Variants in GOLGA4 observed in about 807,000 individuals in gnomAD.
The protein encoded by GOLGA4 is golgin subfamily A member 4.
A neutral mutation model predicts 265.9 loss-of-function variants in GOLGA4; 169 were observed. The ratio of observed to expected loss-of-function variants is 0.64; its 90% CI spans 0.56 to 0.72. GOLGA4 has a LOEUF of 0.72. Ranked by LOEUF, GOLGA4 falls within the 30% of genes least tolerant of loss-of-function variation. GOLGA4 has a pLI of 0.00. For missense variants in GOLGA4, 2,482 were observed against 2,483.4 expected (o/e 1.00, Z 0.01); for synonymous variants, 923 against 855.8 (o/e 1.08, Z -1.37).
chr3:37,313,721 A>G (rs2096929314), intron 10 of GOLGA4, among the ~76,000 whole-genome samples: 1 of 152,212 alleles, frequency 6.6e-6, no homozygotes, highest in African/African-American at 2.4e-5. Context: ...ACATATATGT[A>G]CACATATACA....
intron 11 of GOLGA4, among the ~76,000 whole-genome samples, chr3:37,317,642 C>T (rs2150936982): frequency 6.6e-6 from 1 of 152,168 alleles, no homozygotes; most frequent in South Asian, 2.1e-4. Flanking sequence ...GAATATATTT[C>T]CCCCCAATAA....
chr3:37,246,825 C>A (rs889907448), intron 1 of GOLGA4, among the ~76,000 whole-genome samples: 2 of 152,178 alleles, frequency 1.3e-5, no homozygotes, highest in Non-Finnish European at 2.9e-5. Context: ...CCTGCAGAAT[C>A]ATCCCTTATT....
chr3:37,246,965 G>A (rs1467863022), intron 1 of GOLGA4, among the ~76,000 whole-genome samples: 1 of 151,996 alleles, frequency 6.6e-6, no homozygotes, highest in Non-Finnish European at 1.5e-5. Context: ...CAGATAACAG[G>A]GAAAAGAGTC....
chr3:37,328,375 C>A, intron 14 of GOLGA4, 41 bp from the exon 15 acceptor site: 1 of 1,595,868 alleles, frequency 6.3e-7, no homozygotes, highest in Non-Finnish European at 8.5e-7. Context: ...GCAGCTTGTT[C>A]TTTGTGTGGC....
intron 16 of GOLGA4, among the ~76,000 whole-genome samples, chr3:37,331,659 C>G (rs1414716419): frequency 2.6e-5 from 4 of 152,116 alleles, no homozygotes; most frequent in African/African-American, 9.7e-5. Context: ...TTGTAGAATG[C>G]TGCATTTTTG....
At chr3:37,292,194 A>C (rs560972291) in intron 5 of GOLGA4, among the ~76,000 whole-genome samples, 3 of 152,282 alleles carry the variant, frequency 2.0e-5, no homozygotes, top group African/African-American at 7.2e-5. Context: ...GTGGGCTGTT[A>C]GGACTGCTAT....
chr3:37,322,936 T>C (rs1239233573), intron 13 of GOLGA4, among the ~76,000 whole-genome samples: 2 of 152,046 alleles, frequency 1.3e-5, no homozygotes, highest in Non-Finnish European at 2.9e-5. Context: ...CCTTAAAAAT[T>C]GGAAAAAACC....
chr3:37,330,665 G>A (rs895247934), intron 16 of GOLGA4, among the ~76,000 whole-genome samples: 2 of 152,158 alleles, frequency 1.3e-5, no homozygotes, highest in African/African-American at 4.8e-5. Context: ...TGGAGGGTGG[G>A]CAAGGGAGTG....
At chr3:37,273,115 T>A (rs2096803366) in intron 2 of GOLGA4, among the ~76,000 whole-genome samples, 1 of 152,232 alleles carries the variant, frequency 6.6e-6, no homozygotes, top group African/African-American at 2.4e-5. Flanking sequence ...TTTCAGAGCT[T>A]AGCCCAAATA....
Position 37,325,786 on chromosome 3 carries a change from A to G in GOLGA4, c.3900A>G (p.Glu1300=), listed in dbSNP as rs1312239812. 5.0e-6 allele frequency: 8 copies of G among 1,613,356 alleles called. No individual in the cohort carries two copies. Among genetic ancestry groups the G allele is most frequent in the Non-Finnish European group, 6.8e-6 (8 of 1,179,562 alleles). The change falls in exon 14 of 24, where the codon GAA becomes GAG. Residue 1300 remains glutamate, a synonymous_variant. Transcript: ENST00000361924. ...TTCAACAGGCTACTCATCAGTTAGA[A>G]GAAAAAGAAAATCAAATTAAGAGCA... ...ISFQQATHQL[E]EKENQIKSMK... is the part of the protein sequence containing the mutation.
At chr3:37,300,698 A>AT in intron 9 of GOLGA4, among the ~76,000 whole-genome samples, 1 of 152,268 alleles carries the variant, frequency 6.6e-6, no homozygotes, top group Middle Eastern at 3.4e-3. Flanking sequence ...TTCCAAAAGT[A>AT]TTTTAATATA....
chr3:37,250,067 G>C (rs1035123379), intron 1 of GOLGA4: 1 of 152,208 alleles, frequency 6.6e-6, no homozygotes, highest in Admixed American at 6.5e-5. Context: ...GATTGGGTTA[G>C]TAAGTTTTCT....
At chr3:37,302,078 C>A in intron 9 of GOLGA4, 107 bp from the exon 10 acceptor site, 1 of 900,608 alleles carries the variant, frequency 1.1e-6, no homozygotes, top group Non-Finnish European at 1.8e-6. Flanking sequence ...CATGAGTCAC[C>A]ATGCACCATG....
At chr3:37,360,348 A>C (rs1696155553) in intron 22 of GOLGA4, among the ~76,000 whole-genome samples, 2 of 152,206 alleles carry the variant, frequency 1.3e-5, no homozygotes, top group African/African-American at 4.8e-5. Context: ...AAGCATAGAC[A>C]TAGGGAACAT....
At chr3:37,250,993 T>A (rs909736713) in intron 1 of GOLGA4, among the ~76,000 whole-genome samples, 6 of 152,132 alleles carry the variant, frequency 3.9e-5, no homozygotes, top group African/African-American at 9.7e-5. Context: ...CTTTTTTTTT[T>A]AAATGAACTT....
intron 1 of GOLGA4, among the ~76,000 whole-genome samples, chr3:37,246,009 G>C (rs892375727): frequency 1.3e-5 from 2 of 152,120 alleles, no homozygotes; most frequent in African/African-American, 4.8e-5. Context: ...CCAGCACTTT[G>C]AATCGCTTGA....
chr3:37,346,807 C>T (rs2097058069), intron 20 of GOLGA4, among the ~76,000 whole-genome samples: 1 of 152,182 alleles, frequency 6.6e-6, no homozygotes, highest in South Asian at 2.1e-4. Context: ...CACATCCTCA[C>T]CAGTGCTTTG....
At chr3:37,331,218 A>G (rs371594752) in intron 16 of GOLGA4, among the ~76,000 whole-genome samples, 1 of 152,200 alleles carries the variant, frequency 6.6e-6, no homozygotes, top group Non-Finnish European at 1.5e-5. Context: ...ATACATACAT[A>G]TAAATTCTTT....
chr3:37,323,902 T>A lies in GOLGA4; in HGVS notation c.2016T>A (p.Asn672Lys). The change falls in exon 14 of 24, where the codon AAT becomes AAA. Residue 672 changes from asparagine (N) to lysine (K), a missense_variant. By Grantham distance (94) the Asn-to-Lys change is moderately conservative (BLOSUM62 0). Coordinates refer to ENST00000361924, the MANE Select transcript of GOLGA4 (RefSeq NM_002078.5). ...TCCAGGCCCACATAGAAGAAATGAA[T>A]GAAAAGACTTTAGAAAAGCTTGATG... The part of the protein sequence containing the change: ...IIFQAHIEEM[N>K]EKTLEKLDVK... 1 of 1,613,432 alleles carries A rather than the reference T, an allele frequency of 6.2e-7. No individual in the cohort carries two copies. The highest frequency in any genetic ancestry group is 2.2e-5 in the East Asian group (1 of 44,870).
Sources: allele counts gnomAD v4.1 joint callset (sites outside exome capture counted in the v4.1 genomes callset), GRCh38; gene constraint gnomAD v4.1.1; transcripts MANE v1.5; gene names NCBI Gene and HGNC (gene_info 2026-07-23, HGNC 2026-07-21).